UNC5A: variants seen among roughly 807,000 people sequenced by gnomAD.
UNC5A encodes netrin receptor UNC5A.
Under a neutral mutation model 87.4 loss-of-function variants are expected in UNC5A, and 20 were observed. The observed-to-expected ratio is 0.23, with a 90% confidence interval of 0.16 to 0.33. The LOEUF is 0.33. UNC5A is among the 10% of genes least tolerant of loss of function. The probability of loss-of-function intolerance (pLI) is 1.00; values close to 1 mark genes in which losing one functional copy is unlikely to be tolerated. For missense variants in UNC5A, 844 were observed against 1,133.4 expected, an observed-to-expected ratio of 0.74 and a Z score of 3.67; for synonymous variants, 438 against 482.3, an observed-to-expected ratio of 0.91 and a Z score of 1.20.
intron 1 of UNC5A, among the ~76,000 whole-genome samples, chr5:176,851,208 A>G (rs1757534227): frequency 6.6e-6 from 1 of 152,242 alleles, no homozygotes; most frequent in African/African-American, 2.4e-5. Context: ...GGTAATTCAA[A>G]TTAGTTCCTT....
chr5:176,828,829 A>T (rs1164150325), intron 1 of UNC5A, among the ~76,000 whole-genome samples: 4 of 150,570 alleles, frequency 2.7e-5, no homozygotes, highest in African/African-American at 7.3e-5. Context: ...GGATGGGTGG[A>T]GGTATGAAAG....
chr5:176,874,682 GGGT>G lies in UNC5A; in HGVS notation c.1378+119_1378+121del. 1 of 1,269,198 alleles carries G rather than the reference GGGT, an allele frequency of 7.9e-7. No individual in the cohort carries two copies. Among genetic ancestry groups the G allele is most frequent in the East Asian group, 2.7e-5 (1 of 36,994 alleles). The allele number at this position is 1,269,198 out of a possible 1,614,324, so 78.6% of individuals were successfully genotyped here. On this transcript the variant is annotated intron_variant, in intron 8 of 14. Transcript: ENST00000329542. The surrounding 1 kb of genome is among the most constrained non-coding windows in gnomAD (Gnocchi z 7.6). ...CCCGTGACAGATCAGCAAGGAAAGG[GGGT>G]GGAGTTTTGGGGAGAACCCAGTCTT...
At chr5:176,861,006 C>G (rs1358279180) in intron 1 of UNC5A, among the ~76,000 whole-genome samples, 1 of 152,132 alleles carries the variant, frequency 6.6e-6, no homozygotes, top group Non-Finnish European at 1.5e-5. Flanking sequence ...GTCCCAAATG[C>G]CCTCCACACC....
At position 176,865,468 on chromosome 5, in the gene UNC5A, G is replaced by T; in HGVS notation, c.292+2623G>T. 1 of 391,780 alleles carries T rather than the reference G, an allele frequency of 2.6e-6. No homozygotes were observed. Among genetic ancestry groups the T allele is most frequent in the Middle Eastern group, 4.2e-4 (1 of 2,378 alleles). 24.3% of individuals were successfully genotyped at this position (391,780 alleles called of 1,614,324 possible). On this transcript the variant is annotated intron_variant, in intron 2 of 14. Coordinates refer to ENST00000329542, the MANE Select transcript of UNC5A (RefSeq NM_133369.3). This position sits in a 1 kb window ranked among gnomAD's most constrained non-coding sequence, Gnocchi z 5.3. ...TGTGGCCCTGTTCTCTTCCTGCCGGGCAGAGAAGCAGAGCTTGGGACACGT... is the reference window on the plus strand; with the variant it reads ...TGTGGCCCTGTTCTCTTCCTGCCGGTCAGAGAAGCAGAGCTTGGGACACGT...
rs564010843 is a variant in UNC5A at position 176,875,922 on chromosome 5, A to G, written c.1379-1270A>G. On this transcript the variant is annotated intron_variant, in intron 8 of 14. Transcript: ENST00000329542. The surrounding 1 kb of genome is among the most constrained non-coding windows in gnomAD (Gnocchi z 5.2). ...CCACACGGATGATAACGAACCCCTC[A>G]TGGGGCTGTTGGGATGACGAGGTGA... Among the ~76,000 whole-genome samples, 1 of 152,092 alleles carries G rather than the reference A, an allele frequency of 6.6e-6. No homozygotes were observed. Among genetic ancestry groups the G allele is most frequent in the Non-Finnish European group, 1.5e-5 (1 of 68,012 alleles).
intron 1 of UNC5A, among the ~76,000 whole-genome samples, chr5:176,845,559 G>A (rs1757384429): frequency 6.6e-6 from 1 of 152,236 alleles, no homozygotes; most frequent in African/African-American, 2.4e-5. Flanking sequence ...AGGGCTTGGG[G>A]CCTGGCACAG....
At chr5:176,879,238 C>T in intron 13 of UNC5A, 72 bp from the exon 14 acceptor site, 1 of 1,502,020 alleles carries the variant, frequency 6.7e-7, no homozygotes, top group Non-Finnish European at 8.9e-7. Context: ...GGGAGCTCCC[C>T]CAGCAGGAGG....
intron 1 of UNC5A, among the ~76,000 whole-genome samples, chr5:176,832,106 A>T (rs1020080308): frequency 6.6e-6 from 1 of 152,092 alleles, no homozygotes; most frequent in Non-Finnish European, 1.5e-5. Context: ...CATGTCGGCC[A>T]GGCTGGTCTC....
At position 176,857,827 on chromosome 5, in the gene UNC5A, T is replaced by C. The variant is rs1757703826; in HGVS notation, c.71-4797T>C. On this transcript the variant is annotated intron_variant, in intron 1 of 14. Transcript: ENST00000329542. The stretch of plus-strand genomic sequence containing the variant: ...GGAATCTGCTAGTCAGTGAATGAGG[T>C]CTTCTAACTTAATTCCAAGCGGGCA... Among the ~76,000 whole-genome samples the C allele has an allele frequency of 2.0e-5, 3 of 152,096 alleles. No homozygotes were observed. In the South Asian group the frequency reaches 6.2e-4, roughly 31 times the overall value.
At position 176,810,966 on chromosome 5, in the gene UNC5A, T is replaced by A; in HGVS notation, c.70+146T>A. On this transcript the variant is annotated intron_variant, in intron 1 of 14. Coordinates refer to ENST00000329542, the MANE Select transcript of UNC5A (RefSeq NM_133369.3). The surrounding 1 kb of genome is among the most constrained non-coding windows in gnomAD (Gnocchi z 7.3). ...CTTTGCGAGGCGGGACGCGGGGGGC[T>A]CTTCTTGCTGCTGCGCAGCTTCCCC... 1 of 644,286 alleles carries A rather than the reference T, an allele frequency of 1.6e-6. No homozygotes were observed. Among genetic ancestry groups the A allele is most frequent in the Non-Finnish European group, 2.1e-6 (1 of 485,490 alleles). 39.9% of individuals were successfully genotyped at this position (644,286 alleles called of 1,614,324 possible). A position where few individuals can be genotyped will look rare whatever the true frequency, so the allele number is the denominator to read the frequency against.
chr5:176,832,120 CT>C (rs1197004223), intron 1 of UNC5A, among the ~76,000 whole-genome samples: 5 of 152,124 alleles, frequency 3.3e-5, no homozygotes, highest in Non-Finnish European at 7.4e-5. Flanking sequence ...TGGTCTCGAA[CT>C]CCTGACTTCA....
At chr5:176,853,042 C>T (rs1757583203) in intron 1 of UNC5A, among the ~76,000 whole-genome samples, 2 of 152,232 alleles carry the variant, frequency 1.3e-5, no homozygotes, top group South Asian at 4.1e-4. Context: ...TCCTCGGTGA[C>T]AGTGACTCCG....
chr5:176,874,213 G>A lies in UNC5A; in HGVS notation c.1076-51G>A, dbSNP rs753995078. Reference sequence around the variant, plus strand: ...CCCAGCTCCCACGCCAAGGGCTGCTGGGGCAGGGATGCCCTAGGTGCCATT... The same window carrying A: ...CCCAGCTCCCACGCCAAGGGCTGCTAGGGCAGGGATGCCCTAGGTGCCATT... On this transcript the variant is annotated intron_variant, in intron 7 of 14. Transcript: ENST00000329542. The surrounding 1 kb of genome is among the most constrained non-coding windows in gnomAD (Gnocchi z 7.6). 6.3e-6 allele frequency: 10 copies of A among 1,595,390 alleles called. No individual in the cohort carries two copies. Among genetic ancestry groups the A allele is most frequent in the South Asian group, 4.5e-5 (4 of 89,364 alleles).
intron 1 of UNC5A, among the ~76,000 whole-genome samples, chr5:176,842,136 G>T (rs1299884556): frequency 2.0e-5 from 3 of 152,254 alleles, no homozygotes; most frequent in Non-Finnish European, 4.4e-5. Flanking sequence ...GGCGGAGTTT[G>T]CAGTGAGCCG....
chr5:176,843,254 G>T (rs539405732), intron 1 of UNC5A, among the ~76,000 whole-genome samples: 30 of 152,286 alleles, frequency 2.0e-4, no homozygotes, highest in African/African-American at 6.7e-4. Context: ...CAGATGCTGT[G>T]GTGCGTCCAC....
In UNC5A at chr5:176,866,809, G is replaced by T. The variant is rs1224439219; in HGVS notation, c.293-1321G>T. On this transcript the variant is annotated intron_variant, in intron 2 of 14. Transcript: ENST00000329542. The surrounding 1 kb of genome is among the most constrained non-coding windows in gnomAD (Gnocchi z 5.0). ...CCACCCCCTGAGAGTGTCCACACTG[G>T]GTGTCTTAGAGAACGGGGCAGGTGG... Among the ~76,000 whole-genome samples, 1 of 152,122 alleles carries T rather than the reference G, an allele frequency of 6.6e-6. No homozygotes were observed. The highest frequency in any genetic ancestry group is 1.5e-5 in the Non-Finnish European group (1 of 68,016).
chr5:176,842,461 A>G (rs1426548459), intron 1 of UNC5A, among the ~76,000 whole-genome samples: 4 of 151,534 alleles, frequency 2.6e-5, no homozygotes, highest in African/African-American at 9.8e-5. Context: ...ACCAACTCAA[A>G]TGCCCGTCAA....
intron 1 of UNC5A, among the ~76,000 whole-genome samples, chr5:176,823,505 G>C (rs537059830): frequency 5.3e-4 from 80 of 152,268 alleles, no homozygotes; most frequent in African/African-American, 1.9e-3. Flanking sequence ...TGGTGCTGGG[G>C]CCATCCGGTT....
intron 1 of UNC5A, among the ~76,000 whole-genome samples, chr5:176,815,285 G>C (rs964177700): frequency 1.5e-4 from 23 of 152,250 alleles, no homozygotes; most frequent in African/African-American, 5.3e-4. Flanking sequence ...TCAGACAGGA[G>C]CTCAGCTTCC....
Sources: allele counts gnomAD v4.1 joint callset (sites outside exome capture counted in the v4.1 genomes callset), GRCh38; gene constraint gnomAD v4.1.1; non-coding constraint Gnocchi (gnomAD v3.1); transcripts MANE v1.5; gene names NCBI Gene and HGNC (gene_info 2026-07-23, HGNC 2026-07-21).